The following SOX5 variants were observed in gnomAD, a reference collection of about 807,000 sequenced individuals.
SOX5 encodes the protein transcription factor SOX-5.
A neutral mutation model predicts 92.0 loss-of-function variants in SOX5; 9 were observed. The ratio of observed to expected loss-of-function variants is 0.10; its 90% CI spans 0.06 to 0.17. SOX5 has a LOEUF of 0.17. Among genes scored for constraint, SOX5 ranks in the 10% least tolerant of loss-of-function variants. The pLI is 1.00. For synonymous variants in SOX5, 344 were observed against 336.3 expected (o/e 1.02, Z -0.25); for missense variants, 642 against 944.5 (o/e 0.68, Z 4.20).
chr12:23,870,434 C>G (rs2096860503), intron 2 of SOX5, among the ~76,000 whole-genome samples: 1 of 152,094 alleles, frequency 6.6e-6, no homozygotes, highest in Non-Finnish European at 1.5e-5. Context: ...TATTTTTACT[C>G]TCCATTATAA....
chr12:23,813,550 A>G (rs760682978), intron 3 of SOX5, among the ~76,000 whole-genome samples: 12 of 152,210 alleles, frequency 7.9e-5, no homozygotes, highest in Non-Finnish European at 1.3e-4. Flanking sequence ...AAGGTATTCC[A>G]CATGTGCTTT....
intron 3 of SOX5, among the ~76,000 whole-genome samples, chr12:23,773,427 A>G (rs1029226989): frequency 5.9e-5 from 9 of 152,188 alleles, no homozygotes; most frequent in African/African-American, 2.2e-4. Context: ...GCTGGAGTGC[A>G]GTGGCACAAT....
chr12:24,021,500 G>T (rs992453860), intron 4 of SOX5, among the ~76,000 whole-genome samples: 3 of 152,086 alleles, frequency 2.0e-5, no homozygotes, highest in African/African-American at 7.2e-5. Context: ...AGCTATTAAT[G>T]GTAAACTCTC....
chr12:24,334,587 GA>G (rs1951687276), intron 2 of SOX5, among the ~76,000 whole-genome samples: 1 of 152,124 alleles, frequency 6.6e-6, no homozygotes, highest in Non-Finnish European at 1.5e-5. Flanking sequence ...ACTGCCAATG[GA>G]AAGTTACCAA....
intron 3 of SOX5, among the ~76,000 whole-genome samples, chr12:24,233,877 G>A (rs1963917992): frequency 6.6e-6 from 1 of 152,328 alleles, no homozygotes; most frequent in Non-Finnish European, 1.5e-5. Flanking sequence ...AGGATGAACA[G>A]ATCAAAGATC....
intron 1 of SOX5, among the ~76,000 whole-genome samples, chr12:24,543,549 A>G (rs1326954414): frequency 6.6e-6 from 1 of 152,142 alleles, no homozygotes; most frequent in Non-Finnish European, 1.5e-5. Context: ...CTAGCCAGGC[A>G]TGGTGGTACG....
chr12:24,036,561 G>A (rs778351347), intron 4 of SOX5, among the ~76,000 whole-genome samples: 1 of 152,058 alleles, frequency 6.6e-6, no homozygotes, highest in Non-Finnish European at 1.5e-5. Context: ...AATAAGCTGT[G>A]TACGAATTCA....
intron 6 of SOX5, among the ~76,000 whole-genome samples, chr12:23,683,143 T>C (rs1439305245): frequency 1.3e-5 from 2 of 151,938 alleles, no homozygotes; most frequent in Non-Finnish European, 2.9e-5. Flanking sequence ...AAGTAATTAA[T>C]GTGATAAGCA....
intron 4 of SOX5, among the ~76,000 whole-genome samples, chr12:24,158,023 G>C (rs1472935122): frequency 7.2e-5 from 11 of 152,002 alleles, no homozygotes; most frequent in Non-Finnish European, 1.5e-4. Flanking sequence ...GGAGAGTCTT[G>C]AAGACTCAGG....
chr12:24,156,960 G>A (rs1029982471), intron 4 of SOX5, among the ~76,000 whole-genome samples: 1 of 152,042 alleles, frequency 6.6e-6, no homozygotes, highest in African/African-American at 2.4e-5. Context: ...CCAAGTTATA[G>A]GACATATTCT....
intron 9 of SOX5, among the ~76,000 whole-genome samples, chr12:23,581,896 AT>A (rs1950093733): frequency 6.6e-6 from 1 of 150,656 alleles, no homozygotes; most frequent in Admixed American, 6.6e-5. Flanking sequence ...TTGAAAAAAT[AT>A]ATATATATAT....
At chr12:24,318,488 C>T (rs3941891) in intron 2 of SOX5, among the ~76,000 whole-genome samples, 2 of 152,174 alleles carry the variant, frequency 1.3e-5, no homozygotes, top group Non-Finnish European at 2.9e-5. Flanking sequence ...TATGTTTGTT[C>T]TAGACTGTCT....
intron 6 of SOX5, among the ~76,000 whole-genome samples, chr12:23,721,920 G>A (rs1337023957): frequency 6.6e-6 from 1 of 152,156 alleles, no homozygotes; most frequent in Non-Finnish European, 1.5e-5. Flanking sequence ...ACAGAAACAG[G>A]TTTATGTATG....
At chr12:23,889,802 A>C (rs2097109476) in intron 2 of SOX5, among the ~76,000 whole-genome samples, 1 of 152,200 alleles carries the variant, frequency 6.6e-6, no homozygotes. Flanking sequence ...ATGTTTAAGC[A>C]TATTAACATT....
chr12:23,974,331 G>A (rs1263851693), intron 4 of SOX5, among the ~76,000 whole-genome samples: 1 of 152,060 alleles, frequency 6.6e-6, no homozygotes, highest in African/African-American at 2.4e-5. Context: ...ATGAACATGG[G>A]AGTGTTGATA....
chr12:23,960,530 C>CATAT lies in SOX5; in HGVS notation c.-1-64510_-1-64507dup, dbSNP rs60925174. ...ATTTATATACATATATATATATATA[C>CATAT]ATATATATATATATATGAAGTCAGT... On this transcript the variant is annotated intron_variant, in intron 4 of 4. Coordinates refer to the SOX5 transcript ENST00000446891. Among the ~76,000 whole-genome samples, 119 of 137,128 alleles carry CATAT rather than the reference C, an allele frequency of 8.7e-4. 2 individuals are homozygous for CATAT. The highest frequency in any genetic ancestry group is 5.2e-4 in the Non-Finnish European group (34 of 65,118). The allele number at this position is 137,128 out of a possible 152,430, so 90.0% of individuals were successfully genotyped here.
intron 4 of SOX5, among the ~76,000 whole-genome samples, chr12:24,118,263 C>T (rs974241636): frequency 3.9e-5 from 6 of 152,006 alleles, no homozygotes; most frequent in African/African-American, 1.5e-4. Context: ...ATCCTCACTA[C>T]AAAAACATGA....
intron 2 of SOX5, among the ~76,000 whole-genome samples, chr12:24,283,766 G>T (rs777561669): frequency 2.0e-5 from 3 of 152,092 alleles, no homozygotes; most frequent in Admixed American, 6.5e-5. Context: ...GCTTGGGTAT[G>T]TTTTTTCTTA....
intron 6 of SOX5, among the ~76,000 whole-genome samples, chr12:23,718,211 C>T (rs984202355): frequency 3.9e-5 from 6 of 152,042 alleles, no homozygotes; most frequent in African/African-American, 1.4e-4. Flanking sequence ...TACTGGAAGA[C>T]ACCAGTTAGA....
Sources: gnomAD v4.1 joint callset for allele counts (sites outside exome capture counted in the v4.1 genomes callset) on GRCh38, gnomAD v4.1.1 for gene constraint, MANE v1.5 for transcripts, NCBI Gene and HGNC (gene_info 2026-07-23, HGNC 2026-07-21) for gene names.